The following SH3D19 variants were observed in gnomAD, a reference collection of about 807,000 sequenced individuals.
SH3D19 encodes SH3 domain-containing protein 19.
A neutral mutation model predicts 112.1 loss-of-function variants in SH3D19; 58 were observed. The observed-to-expected ratio is 0.52, with a 90% CI of 0.42 to 0.64. The LOEUF is 0.64. Ranked by LOEUF, SH3D19 falls within the 30% of genes least tolerant of loss-of-function variation. The pLI is 0.00. For missense variants in SH3D19, 1,090 were observed against 1,263.4 expected (o/e 0.86, Z 2.08); for synonymous variants, 391 against 448.5 (o/e 0.87, Z 1.62).
At chr4:151,159,479 T>C (rs1756761338) in intron 8 of SH3D19, 127 bp from the exon 9 acceptor site, 1 of 614,214 alleles carries the variant, frequency 1.6e-6, no homozygotes, top group East Asian at 3.3e-5. Flanking sequence ...GTTAAGCAAA[T>C]GAGAAAGAGC....
At chr4:151,160,054 C>T (rs1012066249) in intron 8 of SH3D19, among the ~76,000 whole-genome samples, 22 of 151,926 alleles carry the variant, frequency 1.4e-4, no homozygotes, top group African/African-American at 5.1e-4. Flanking sequence ...TCCAACACTC[C>T]CTCATCCAAA....
chr4:151,191,151 T>C (rs1762558785), intron 2 of SH3D19, among the ~76,000 whole-genome samples: 1 of 152,194 alleles, frequency 6.6e-6, no homozygotes, highest in Non-Finnish European at 1.5e-5. Flanking sequence ...TTTCTCCCAT[T>C]TGGAATGGCT....
intron 11 of SH3D19, among the ~76,000 whole-genome samples, chr4:151,145,876 AAGG>A (rs1360654701): frequency 6.6e-6 from 1 of 152,208 alleles, no homozygotes; most frequent in Non-Finnish European, 1.5e-5. Context: ...TCACTTGTTA[AAGG>A]AGGATAATAA....
intron 1 of SH3D19, among the ~76,000 whole-genome samples, chr4:151,284,126 A>G (rs13112985): frequency 0.36 from 54,952 of 152,002 alleles, 10,931 homozygotes; most frequent in Middle Eastern, 0.45. Context: ...TATTTCACCA[A>G]CACTTGGAAA....
chr4:151,249,996 C>A (rs949100167), intron 1 of SH3D19, among the ~76,000 whole-genome samples: 1 of 152,044 alleles, frequency 6.6e-6, no homozygotes. Flanking sequence ...AATGTAGGGA[C>A]TGGGGGAAGA....
intron 1 of SH3D19, among the ~76,000 whole-genome samples, chr4:151,260,903 C>A (rs775515390): frequency 3.9e-5 from 6 of 152,162 alleles, no homozygotes; most frequent in Non-Finnish European, 7.4e-5. Flanking sequence ...CTCAACAAGA[C>A]CTTTCCTGAC....
intron 7 of SH3D19, among the ~76,000 whole-genome samples, chr4:151,169,226 C>T (rs1056486154): frequency 2.0e-5 from 3 of 151,880 alleles, no homozygotes; most frequent in Non-Finnish European, 2.9e-5. Context: ...TTTTTAATAC[C>T]GTTAGCTGTT....
chr4:151,195,412 G>C (rs1208391958), intron 2 of SH3D19, among the ~76,000 whole-genome samples: 1 of 131,122 alleles, frequency 7.6e-6, no homozygotes, highest in African/African-American at 3.0e-5. Flanking sequence ...AAGAAAAAAA[G>C]AGTTAACCTT....
chr4:151,227,565 T>C (rs777900943), intron 1 of SH3D19, among the ~76,000 whole-genome samples: 1 of 152,252 alleles, frequency 6.6e-6, no homozygotes, highest in East Asian at 1.9e-4. Context: ...AATGAAAATA[T>C]CATGTTTTTC....
intron 2 of SH3D19, among the ~76,000 whole-genome samples, chr4:151,220,510 T>C (rs1767853721): frequency 6.6e-6 from 1 of 152,182 alleles, no homozygotes; most frequent in South Asian, 2.1e-4. Context: ...GTCATCAAGA[T>C]CTATTATTTA....
intron 1 of SH3D19, among the ~76,000 whole-genome samples, chr4:151,283,597 A>G (rs369776298): frequency 3.3e-5 from 5 of 149,448 alleles, no homozygotes; most frequent in African/African-American, 7.4e-5. Context: ...AGCTTACTAC[A>G]GCCTCCAGCT....
intron 1 of SH3D19, among the ~76,000 whole-genome samples, chr4:151,318,983 T>C (rs62328550): frequency 0.28 from 43,057 of 152,158 alleles, 6,896 homozygotes; most frequent in East Asian, 0.37. Flanking sequence ...ATTTTATATA[T>C]CTCTTTGTAT....
chr4:151,304,028 G>A (rs1213575098), intron 1 of SH3D19, among the ~76,000 whole-genome samples: 1 of 151,344 alleles, frequency 6.6e-6, no homozygotes, highest in Non-Finnish European at 1.5e-5. Context: ...CTGTTGCCCA[G>A]GCTGGATTCA....
At chr4:151,293,492 G>A (rs1341581394) in intron 1 of SH3D19, among the ~76,000 whole-genome samples, 1 of 151,780 alleles carries the variant, frequency 6.6e-6, no homozygotes, top group Non-Finnish European at 1.5e-5. Context: ...AAAAAGTAAG[G>A]GTAGATTTGG....
In SH3D19 at chr4:151,174,571, ACCT is replaced by A. The variant is rs1488462801; in HGVS notation, c.1534+96_1534+98del. 3.6e-6 allele frequency: 4 copies of A among 1,113,448 alleles called. No homozygotes were observed. In the African/African-American group the frequency reaches 6.2e-5, roughly 17 times the overall value. 69.0% of individuals were successfully genotyped at this position (1,113,448 alleles called of 1,614,324 possible). ...CATGTGCACATACTTGTATACACAC[ACCT>A]CAATAACTTATGTACCAGAAACTAA... is the stretch of plus-strand genomic sequence containing the variant. On this transcript the variant is annotated intron_variant, in intron 7 of 19. Transcript: ENST00000604030.
intron 7 of SH3D19, among the ~76,000 whole-genome samples, chr4:151,172,708 G>C (rs1579951104): frequency 6.6e-6 from 1 of 152,128 alleles, no homozygotes; most frequent in African/African-American, 2.4e-5. Context: ...ATTGCCCAAG[G>C]TCATGTAACA....
At chr4:151,251,166 C>CA (rs1440514377) in intron 1 of SH3D19, among the ~76,000 whole-genome samples, 3 of 145,708 alleles carry the variant, frequency 2.1e-5, no homozygotes, top group Admixed American at 7.1e-5. Context: ...CCCACCTTGC[C>CA]AACCCATTTG....
At chr4:151,168,558 C>T (rs1758512620) in intron 7 of SH3D19, among the ~76,000 whole-genome samples, 1 of 152,036 alleles carries the variant, frequency 6.6e-6, no homozygotes, top group African/African-American at 2.4e-5. Flanking sequence ...CCTCAGCCTC[C>T]TGAGTATCTG....
chr4:151,155,254 G>A (rs1292153948), intron 9 of SH3D19, among the ~76,000 whole-genome samples: 1 of 152,308 alleles, frequency 6.6e-6, no homozygotes, highest in East Asian at 1.9e-4. Flanking sequence ...TTTAACGTTA[G>A]TAAGGTAGGA....
Sources: gnomAD v4.1 joint callset for allele counts (sites outside exome capture counted in the v4.1 genomes callset) on GRCh38, gnomAD v4.1.1 for gene constraint, MANE v1.5 for transcripts, NCBI Gene and HGNC (gene_info 2026-07-23, HGNC 2026-07-21) for gene names.